Variants in PIP5K1B observed in about 807,000 individuals in gnomAD.
PIP5K1B encodes phosphatidylinositol 4-phosphate 5-kinase type-1 beta.
In PIP5K1B, 42 loss-of-function variants were observed where a neutral mutation model predicts 67.0. The observed-to-expected ratio is 0.63, with a 90% CI of 0.49 to 0.81. The LOEUF is 0.81. Among genes scored for constraint, PIP5K1B ranks in the 30% least tolerant of loss-of-function variants. The pLI, the probability that PIP5K1B is intolerant of heterozygous loss-of-function variation, is 0.00. For synonymous variants in PIP5K1B, 214 were observed against 231.4 expected, an observed-to-expected ratio of 0.92 and a Z score of 0.68; for missense variants, 459 against 646.3, an observed-to-expected ratio of 0.71 and a Z score of 3.14.
At chr9:69,007,585 A>C (rs11144747) in intron 15 of PIP5K1B, among the ~76,000 whole-genome samples, 24,809 of 152,130 alleles carry the variant, frequency 0.16, 2,217 homozygotes, top group East Asian at 0.3. Context: ...AGGCCGGGTG[A>C]GGTGGCTCAC....
At chr9:68,990,673 T>TA (rs969423860) in intron 14 of PIP5K1B, among the ~76,000 whole-genome samples, 5 of 68,686 alleles carry the variant, frequency 7.3e-5, no homozygotes, top group Non-Finnish European at 1.5e-4. Context: ...ATACTATATA[T>TA]TTTTTTTTTG....
chr9:68,943,796 A>G (rs1397986886), intron 14 of PIP5K1B, among the ~76,000 whole-genome samples: 1 of 152,228 alleles, frequency 6.6e-6, no homozygotes, highest in Non-Finnish European at 1.5e-5. Context: ...TGTTATATGT[A>G]TCTGTGCTAA....
chr9:68,904,621 A>G (rs1332114664), intron 8 of PIP5K1B, among the ~76,000 whole-genome samples: 1 of 152,170 alleles, frequency 6.6e-6, no homozygotes, highest in African/African-American at 2.4e-5. Flanking sequence ...CAGCGGTTAC[A>G]GGGGGGTTGA....
chr9:68,831,551 A>G (rs1368186876), intron 4 of PIP5K1B, among the ~76,000 whole-genome samples: 2 of 152,190 alleles, frequency 1.3e-5, no homozygotes, highest in South Asian at 4.1e-4. Flanking sequence ...TATTGTCTGA[A>G]TGCTGTGGTG....
intron 4 of PIP5K1B, among the ~76,000 whole-genome samples, chr9:68,859,207 G>A (rs905149443): frequency 2.0e-5 from 3 of 152,194 alleles, no homozygotes; most frequent in Non-Finnish European, 2.9e-5. Flanking sequence ...AAATGTGATC[G>A]TTAAAAGACA....
chr9:68,787,180 A>G (rs1831673080), intron 2 of PIP5K1B, among the ~76,000 whole-genome samples: 2 of 152,308 alleles, frequency 1.3e-5, no homozygotes, highest in South Asian at 4.1e-4. Flanking sequence ...AGTGAGTAGA[A>G]TTGAGTTGGG....
At chr9:68,932,958 G>A (rs530240375) in intron 12 of PIP5K1B, among the ~76,000 whole-genome samples, 1 of 152,192 alleles carries the variant, frequency 6.6e-6, no homozygotes, top group South Asian at 2.1e-4. Context: ...AAATTAGCCA[G>A]GCATGGTGGC....
At chr9:68,987,444 C>A (rs952192177) in intron 14 of PIP5K1B, among the ~76,000 whole-genome samples, 1 of 151,958 alleles carries the variant, frequency 6.6e-6, no homozygotes, top group East Asian at 1.9e-4. Context: ...TGCCTATAAT[C>A]CCTGCTACTC....
chr9:68,884,884 T>C (rs547156715), intron 6 of PIP5K1B, among the ~76,000 whole-genome samples: 2 of 152,290 alleles, frequency 1.3e-5, no homozygotes, highest in South Asian at 2.1e-4. Flanking sequence ...TACAACCATT[T>C]TGGAAAACAG....
chr9:68,818,547 T>C lies in PIP5K1B; in HGVS notation c.-1+2T>C, dbSNP rs774102615. On this transcript the variant is annotated splice_donor_variant, in intron 3 of 15. Transcript: ENST00000265382. LOFTEE classifies it low-confidence loss of function (5UTR_SPLICE). ...TGACTTGCCATTTCATTTACAAAGG[T>C]AAGGAAATAAAGTCTGTATTTTTAA... The C allele has an allele frequency of 1.3e-5, 2 of 152,592 alleles. No individual in the cohort carries two copies. The highest frequency in any genetic ancestry group is 2.9e-5 in the Non-Finnish European group (2 of 68,036). The allele number at this position is 152,592 out of a possible 1,614,324, so 9.5% of individuals were successfully genotyped here.
chr9:68,962,670 G>T (rs1235959614), intron 14 of PIP5K1B, among the ~76,000 whole-genome samples: 2 of 152,150 alleles, frequency 1.3e-5, no homozygotes, highest in African/African-American at 4.8e-5. Context: ...GGGGGACAGT[G>T]GCCAAGCTTA....
chr9:68,999,475 C>A (rs947933943), intron 15 of PIP5K1B, among the ~76,000 whole-genome samples: 10 of 152,214 alleles, frequency 6.6e-5, no homozygotes, highest in Admixed American at 6.5e-4. Context: ...AAAGAGGTAT[C>A]AGGTAAATGA....
At chr9:68,852,704 G>C (rs764444959) in intron 4 of PIP5K1B, among the ~76,000 whole-genome samples, 1 of 152,148 alleles carries the variant, frequency 6.6e-6, no homozygotes, top group South Asian at 2.1e-4. Context: ...GTAGGAAGAA[G>C]TGGATATTCT....
intron 4 of PIP5K1B, among the ~76,000 whole-genome samples, chr9:68,825,668 G>GC (rs1447813273): frequency 6.6e-6 from 1 of 152,268 alleles, no homozygotes; most frequent in South Asian, 2.1e-4. Flanking sequence ...CCAGGTTAAG[G>GC]CCCCTGGTCC....
chr9:68,739,425 T>C (rs572931335), intron 1 of PIP5K1B, among the ~76,000 whole-genome samples: 10 of 152,342 alleles, frequency 6.6e-5, no homozygotes, highest in African/African-American at 2.4e-4. Context: ...AGTAGTATAG[T>C]TCTTGATCCA....
chr9:68,888,735 C>T (rs984232881), intron 6 of PIP5K1B, among the ~76,000 whole-genome samples: 3 of 152,222 alleles, frequency 2.0e-5, no homozygotes, highest in African/African-American at 7.2e-5. Context: ...ATGATTCTAT[C>T]GCATGACTCT....
intron 2 of PIP5K1B, among the ~76,000 whole-genome samples, chr9:68,777,279 C>T (rs928011143): frequency 1.3e-5 from 2 of 152,160 alleles, no homozygotes; most frequent in Non-Finnish European, 2.9e-5. Flanking sequence ...TTACTCAGTA[C>T]AATGTGCCAG....
chr9:68,920,784 T>TCTCTCTCTCTCACACATA (rs879785029), intron 11 of PIP5K1B, among the ~76,000 whole-genome samples: 194 of 141,948 alleles, frequency 1.4e-3, no homozygotes, highest in Admixed American at 4.4e-3. Context: ...TCTCTCTCTC[T>TCTCTCTCTCTCACACATA]CACACACATA....
At chr9:68,969,253 G>A (rs999941493) in intron 14 of PIP5K1B, among the ~76,000 whole-genome samples, 4 of 151,338 alleles carry the variant, frequency 2.6e-5, no homozygotes, top group East Asian at 3.9e-4. Context: ...CTGTAGTCCC[G>A]GCTACTCGGG....
Sources: allele counts gnomAD v4.1 joint callset (sites outside exome capture counted in the v4.1 genomes callset), GRCh38; gene constraint gnomAD v4.1.1; transcripts MANE v1.5; gene names NCBI Gene and HGNC (gene_info 2026-07-23, HGNC 2026-07-21).